The following CAMK4 variants were observed in gnomAD, a reference collection of about 807,000 sequenced individuals.
CAMK4 encodes calcium/calmodulin-dependent protein kinase type IV.
In CAMK4, 22 loss-of-function variants were observed where a neutral mutation model predicts 44.9. The ratio of observed to expected loss-of-function variants is 0.49; its 90% CI spans 0.35 to 0.70. The LOEUF (loss-of-function observed/expected upper bound fraction) is 0.70, where lower values mean the gene tolerates loss of function less well. Among genes scored for constraint, CAMK4 ranks in the 30% least tolerant of loss-of-function variants. The pLI is 0.01. For synonymous variants in CAMK4, 218 were observed against 215.4 expected (o/e 1.01, Z -0.11); for missense variants, 498 against 586.8 (o/e 0.85, Z 1.56).
At chr5:111,273,542 C>T (rs1750603863) in intron 1 of CAMK4, among the ~76,000 whole-genome samples, 1 of 150,522 alleles carries the variant, frequency 6.6e-6, no homozygotes, top group South Asian at 2.1e-4. Context: ...TGTATTCATT[C>T]TCATAATAAA....
At position 111,408,658 on chromosome 5, in the gene CAMK4, C is replaced by T. The variant is rs547923814; in HGVS notation, c.459+13876C>T. On this transcript the variant is annotated intron_variant, in intron 5 of 10. Transcript: ENST00000282356. ...AAGTCTTAACTCATTTCAGCATTAA[C>T]TCAGAAGTCCACAGTCCAAAGTCTC... is the stretch of plus-strand genomic sequence containing the variant. 3.9e-5 allele frequency among the ~76,000 whole-genome samples: 6 copies of T among 152,310 alleles called. No homozygotes were observed. In the East Asian group the frequency reaches 1.2e-3, roughly 29 times the overall value.
At chr5:111,399,097 C>T (rs1453108962) in intron 5 of CAMK4, among the ~76,000 whole-genome samples, 2 of 151,978 alleles carry the variant, frequency 1.3e-5, no homozygotes, top group Non-Finnish European at 2.9e-5. Context: ...AAAAAAAAAT[C>T]AAAATGCCTT....
chr5:111,313,646 A>T (rs1389605998), intron 1 of CAMK4, among the ~76,000 whole-genome samples: 1 of 152,136 alleles, frequency 6.6e-6, no homozygotes, highest in Non-Finnish European at 1.5e-5. Flanking sequence ...ATTACCATTA[A>T]GAAATAATGT....
intron 5 of CAMK4, among the ~76,000 whole-genome samples, chr5:111,440,800 T>A (rs1174185238): frequency 6.6e-6 from 1 of 152,184 alleles, no homozygotes; most frequent in Non-Finnish European, 1.5e-5. Context: ...TATTTTCTGA[T>A]CAAAGTATCC....
chr5:111,353,810 T>C (rs1040031386), intron 2 of CAMK4, among the ~76,000 whole-genome samples: 1 of 152,084 alleles, frequency 6.6e-6, no homozygotes, highest in Admixed American at 6.6e-5. Context: ...AGATCTGTAC[T>C]CTGAAAACTG....
intron 5 of CAMK4, among the ~76,000 whole-genome samples, chr5:111,412,315 A>T (rs1237319296): frequency 6.6e-6 from 1 of 152,254 alleles, no homozygotes; most frequent in Non-Finnish European, 1.5e-5. Context: ...AGTCAAGGAT[A>T]TAATAAGAAA....
intron 4 of CAMK4, among the ~76,000 whole-genome samples, chr5:111,380,044 G>A (rs994618880): frequency 2.0e-5 from 3 of 152,034 alleles, no homozygotes; most frequent in Admixed American, 6.6e-5. Context: ...CTGTTTAACC[G>A]TTCTCAGTTT....
chr5:111,335,847 T>C (rs1749378583), intron 1 of CAMK4, among the ~76,000 whole-genome samples: 1 of 151,404 alleles, frequency 6.6e-6, no homozygotes, highest in African/African-American at 2.4e-5. Flanking sequence ...ATTTCAGTTA[T>C]AATGTACAAA....
intron 3 of CAMK4, 133 bp downstream of exon 3, chr5:111,375,045 C>A: frequency 3.2e-6 from 2 of 630,718 alleles, no homozygotes; most frequent in Admixed American, 2.8e-5. Flanking sequence ...TAGCTCTTGT[C>A]CTCATCTCAT....
intron 5 of CAMK4, among the ~76,000 whole-genome samples, chr5:111,399,753 C>G (rs1752153623): frequency 6.6e-6 from 1 of 152,200 alleles, no homozygotes; most frequent in Non-Finnish European, 1.5e-5. Flanking sequence ...TTCCTTACTA[C>G]TGTTTCATTC....
At chr5:111,454,974 C>A (rs1754367198) in intron 7 of CAMK4, among the ~76,000 whole-genome samples, 1 of 152,128 alleles carries the variant, frequency 6.6e-6, no homozygotes, top group Non-Finnish European at 1.5e-5. Flanking sequence ...AGTCTACAAG[C>A]TGTTAGGAGT....
At chr5:111,424,920 T>C (rs1753169012) in intron 5 of CAMK4, among the ~76,000 whole-genome samples, 1 of 151,846 alleles carries the variant, frequency 6.6e-6, no homozygotes, top group South Asian at 2.1e-4. Context: ...TCCCAGCACT[T>C]TGGGAGGCAG....
At chr5:111,262,303 A>C (rs894237683) in intron 1 of CAMK4, among the ~76,000 whole-genome samples, 53 of 151,730 alleles carry the variant, frequency 3.5e-4, no homozygotes, top group African/African-American at 1.3e-3. Context: ...AAATTGCGGG[A>C]GGATGTTAGT....
At chr5:111,442,396 C>T (rs887760284) in intron 5 of CAMK4, among the ~76,000 whole-genome samples, 1 of 152,038 alleles carries the variant, frequency 6.6e-6, no homozygotes, top group Admixed American at 6.6e-5. Context: ...ACTCGGAAGG[C>T]TGAGGCAGAA....
chr5:111,457,542 C>T (rs2112994470), intron 7 of CAMK4, among the ~76,000 whole-genome samples: 1 of 152,278 alleles, frequency 6.6e-6, no homozygotes, highest in Middle Eastern at 3.4e-3. Context: ...AGAAATAACC[C>T]ATTAGATTCA....
intron 2 of CAMK4, among the ~76,000 whole-genome samples, chr5:111,352,592 C>A (rs1243261078): frequency 7.5e-6 from 1 of 133,286 alleles, no homozygotes; most frequent in African/African-American, 2.8e-5. Flanking sequence ...AAGGGGCCAG[C>A]ATGTGGTGAG....
At position 111,402,207 on chromosome 5, in the gene CAMK4, G is replaced by A. The variant is rs181160950; in HGVS notation, c.459+7425G>A. On this transcript the variant is annotated intron_variant, in intron 5 of 10. Coordinates refer to ENST00000282356, the MANE Select transcript of CAMK4 (RefSeq NM_001744.6). ...CCCTCTCGTGGCAGATCCAAATGGAGAGCCAACTGGAGAAGGAAAAATGTG... is the reference window on the plus strand; with the variant it reads ...CCCTCTCGTGGCAGATCCAAATGGAAAGCCAACTGGAGAAGGAAAAATGTG... Among the ~76,000 whole-genome samples the A allele has an allele frequency of 5.3e-4, 81 of 152,358 alleles. No homozygotes were observed. The East Asian group carries it at 6.8e-3, about 13-fold the overall frequency.
At chr5:111,397,913 A>G (rs1752081320) in intron 5 of CAMK4, among the ~76,000 whole-genome samples, 1 of 152,086 alleles carries the variant, frequency 6.6e-6, no homozygotes, top group East Asian at 1.9e-4. Flanking sequence ...ACAAAACGTT[A>G]TATCAAAATG....
chr5:111,418,059 T>A (rs532427880), intron 5 of CAMK4, among the ~76,000 whole-genome samples: 29 of 152,242 alleles, frequency 1.9e-4, no homozygotes, highest in Non-Finnish European at 4.1e-4. Context: ...CCTAAAAATA[T>A]ATCTGTTGGG....
Sources: gnomAD v4.1 joint callset for allele counts (sites outside exome capture counted in the v4.1 genomes callset) on GRCh38, gnomAD v4.1.1 for gene constraint, MANE v1.5 for transcripts, NCBI Gene and HGNC (gene_info 2026-07-23, HGNC 2026-07-21) for gene names.